GNA14: variants seen among roughly 807,000 people sequenced by gnomAD.
GNA14 encodes the protein guanine nucleotide-binding protein subunit alpha-14.
In GNA14, 50 loss-of-function variants were observed where a neutral mutation model predicts 42.0. The ratio of observed to expected loss-of-function variants is 1.19; its 90% CI spans 0.95 to 1.51. The LOEUF is 1.51. Among genes scored for constraint, GNA14 ranks in the 40% most tolerant of loss-of-function variants. GNA14 has a pLI of 0.00. For synonymous variants in GNA14, 173 were observed against 163.1 expected (o/e 1.06, Z -0.46); for missense variants, 473 against 446.2 (o/e 1.06, Z -0.54).
rs896316619 is a variant in GNA14, at chr9:77,529,133, G to A, written c.245C>T (p.Ala82Val). The change falls in exon 2 of 7, where the codon GCC becomes GTC. Residue 82 changes from alanine to valine, a missense_variant. By Grantham distance (64) the Ala-to-Val change is moderately conservative. Transcript: ENST00000341700. ...TKLVYQNIFT[A>V]MQAMIRAMDT... The stretch of plus-strand genomic sequence containing the variant: ...CATCGCTCTGATCATGGCTTGCATG[G>A]CGGTGAATATGTTTTGGTAAACCAG... 3 of 1,614,118 alleles carry A rather than the reference G, an allele frequency of 1.9e-6. No individual in the cohort carries two copies. Among genetic ancestry groups the A allele is most frequent in the Middle Eastern group, 3.3e-4 (2 of 6,062 alleles).
chr9:77,550,438 G>T, intron 1 of GNA14, among the ~76,000 whole-genome samples: 1 of 152,236 alleles, frequency 6.6e-6, no homozygotes, highest in South Asian at 2.1e-4. Context: ...TTAGCTAAAG[G>T]TGCTAAGATT....
Position 77,588,967 on chromosome 9 carries a change from A to G in GNA14, c.124+58703T>C, listed in dbSNP as rs1479138786. On this transcript the variant is annotated intron_variant, in intron 1 of 6. Transcript: ENST00000341700. ...CATGCTAGCCACATTTTTAAAAGCC[A>G]TGGGCCAGCACAGCTAAAAAGAACT... Among the ~76,000 whole-genome samples the G allele has an allele frequency of 3.3e-5, 5 of 152,352 alleles. No individual in the cohort carries two copies. The South Asian group carries it at 6.2e-4, about 19-fold the overall frequency.
rs113357106 is a variant in GNA14, at chr9:77,442,701, G to A, written c.310-8179C>T. ...CAATCTCAGATATCAAGTACCTCCAGACACCTGGCAGAAGAAAAGGAAACT... is the reference window on the plus strand; with the variant it reads ...CAATCTCAGATATCAAGTACCTCCAAACACCTGGCAGAAGAAAAGGAAACT... On this transcript the variant is annotated intron_variant, in intron 2 of 6. Coordinates refer to ENST00000341700, the MANE Select transcript of GNA14 (RefSeq NM_004297.4). Among the ~76,000 whole-genome samples, 693 of 152,338 alleles carry A rather than the reference G, an allele frequency of 4.5e-3. 4 individuals carry two copies. The highest frequency in any genetic ancestry group is 0.011 in the South Asian group (51 of 4,828).
chr9:77,431,359 G>T lies in GNA14; in HGVS notation c.555C>A (p.Ile185=), dbSNP rs1390741565. 6.2e-7 allele frequency: 1 copy of T among 1,613,522 alleles called. No individual in the cohort carries two copies. The highest frequency in any genetic ancestry group is 1.7e-5 in the Admixed American group (1 of 60,024). Residue 185 remains isoleucine, a synonymous_variant, in exon 4 of 7, where the codon ATC becomes ATA. Transcript: ENST00000341700. ...TTTCCAAGTCAAATGGATACTCAAT[G>T]ATGCCGGTGGTGGGCACTCGGACGC... ...VLRVRVPTTG[I]IEYPFDLENI... is the part of the protein sequence containing the mutation.
At chr9:77,630,597 C>G (rs1824082256) in intron 1 of GNA14, among the ~76,000 whole-genome samples, 1 of 152,056 alleles carries the variant, frequency 6.6e-6, no homozygotes, top group South Asian at 2.1e-4. Context: ...ATAAGTGAAG[C>G]AAACAGTAAA....
At position 77,504,771 on chromosome 9, in the gene GNA14, G is replaced by A. The variant is rs548439392; in HGVS notation, c.309+24298C>T. On this transcript the variant is annotated intron_variant, in intron 2 of 6. Transcript: ENST00000341700. ...CAACCTCTGCCTCCTGGGTTCAAGC[G>A]ATTCTCCTGCCTCAGCCTCCTGAGT... Among the ~76,000 whole-genome samples the A allele has an allele frequency of 1.3e-4, 19 of 149,648 alleles. No individual in the cohort carries two copies. In the South Asian group the frequency reaches 3.9e-3, roughly 30 times the overall value.
chr9:77,461,346 A>T (rs1431209258), intron 2 of GNA14, among the ~76,000 whole-genome samples: 1 of 152,240 alleles, frequency 6.6e-6, no homozygotes, highest in Non-Finnish European at 1.5e-5. Context: ...GTTCATTTGC[A>T]TTATTAACAT....
chr9:77,441,019 A>C (rs1171507937), intron 2 of GNA14, among the ~76,000 whole-genome samples: 2 of 151,956 alleles, frequency 1.3e-5, no homozygotes, highest in Non-Finnish European at 2.9e-5. Flanking sequence ...CCCAGCCTGC[A>C]ATTTTCAAAT....
At chr9:77,621,530 T>C (rs1382653612) in intron 1 of GNA14, among the ~76,000 whole-genome samples, 1 of 152,198 alleles carries the variant, frequency 6.6e-6, no homozygotes, top group Non-Finnish European at 1.5e-5. Flanking sequence ...TCCACTCTTA[T>C]CCTGGTTGGC....
intron 1 of GNA14, among the ~76,000 whole-genome samples, chr9:77,596,268 G>C (rs961472168): frequency 6.6e-6 from 1 of 152,062 alleles, no homozygotes; most frequent in Non-Finnish European, 1.5e-5. Flanking sequence ...TTTTCTGAGT[G>C]ACTGAAATTA....
intron 1 of GNA14, among the ~76,000 whole-genome samples, chr9:77,618,069 C>CTAAG (rs1356095685): frequency 1.3e-5 from 2 of 152,044 alleles, no homozygotes; most frequent in African/African-American, 4.8e-5. Flanking sequence ...TTGTTCTCTT[C>CTAAG]TAAGTACCTG....
In GNA14 at chr9:77,563,125, G is replaced by A. The variant is rs58470567; in HGVS notation, c.125-33872C>T. Among the ~76,000 whole-genome samples, 706 of 152,276 alleles carry A rather than the reference G, an allele frequency of 4.6e-3. 7 individuals are homozygous for A. Among genetic ancestry groups the A allele is most frequent in the African/African-American group, 0.016 (669 of 41,548 alleles). On this transcript the variant is annotated intron_variant, in intron 1 of 6. Coordinates refer to ENST00000341700, the MANE Select transcript of GNA14 (RefSeq NM_004297.4). ...TTAAAGGCTCAAAACCCCTCACCAT[G>A]CACTGCTGCACAGCAAATGTAAACC... is the stretch of plus-strand genomic sequence containing the variant.
chr9:77,465,720 C>G (rs1836211260), intron 2 of GNA14, among the ~76,000 whole-genome samples: 1 of 152,034 alleles, frequency 6.6e-6, no homozygotes, highest in Non-Finnish European at 1.5e-5. Flanking sequence ...ATCCTCCCAC[C>G]TCAGCCTCCC....
chr9:77,424,007 AG>A lies in GNA14; in HGVS notation c.1039del (p.Leu347Ter). 1 of 1,606,962 alleles carries A rather than the reference AG, an allele frequency of 6.2e-7. No homozygotes were observed. The highest frequency in any genetic ancestry group is 8.5e-7 in the Non-Finnish European group (1 of 1,175,932). On this transcript the variant is annotated frameshift_variant, in exon 7 of 7. Coordinates refer to ENST00000341700, the MANE Select transcript of GNA14 (RefSeq NM_004297.4). LOFTEE classifies it high-confidence loss of function. Reference sequence around the variant, plus strand: ...GACAAGGTTGAATTCCCTTAGGTTTAGCTGTAGAATTGTGTCTTTGACAGCA... The same window carrying A: ...GACAAGGTTGAATTCCCTTAGGTTTACTGTAGAATTGTGTCTTTGACAGCA... ...FAAVKDTILQ[L>X]NLREFNLV
chr9:77,541,137 G>A (rs1054768081), intron 1 of GNA14, among the ~76,000 whole-genome samples: 2 of 151,910 alleles, frequency 1.3e-5, no homozygotes, highest in African/African-American at 2.4e-5. Flanking sequence ...TTATATTCTC[G>A]TGTGTTTTCA....
At chr9:77,601,044 C>G (rs1292291878) in intron 1 of GNA14, among the ~76,000 whole-genome samples, 1 of 152,190 alleles carries the variant, frequency 6.6e-6, no homozygotes. Context: ...GAAGGTGGAG[C>G]TACGGGAAGT....
chr9:77,622,346 G>T (rs1005195632), intron 1 of GNA14, among the ~76,000 whole-genome samples: 4 of 152,108 alleles, frequency 2.6e-5, no homozygotes, highest in Admixed American at 6.5e-5. Flanking sequence ...AAGAAATATT[G>T]GTCGTGAGGC....
intron 2 of GNA14, among the ~76,000 whole-genome samples, chr9:77,446,451 G>A (rs766797123): frequency 3.3e-5 from 5 of 152,178 alleles, no homozygotes; most frequent in African/African-American, 4.8e-5. Context: ...CTGGGCTCGC[G>A]AGTCATGCTG....
At chr9:77,559,201 T>C (rs887503712) in intron 1 of GNA14, among the ~76,000 whole-genome samples, 1 of 152,166 alleles carries the variant, frequency 6.6e-6, no homozygotes, top group African/African-American at 2.4e-5. Context: ...TTCCCATCAA[T>C]TAACTGTTCA....
Sources: gnomAD v4.1 joint callset for allele counts (sites outside exome capture counted in the v4.1 genomes callset) on GRCh38, gnomAD v4.1.1 for gene constraint, MANE v1.5 for transcripts, NCBI Gene and HGNC (gene_info 2026-07-23, HGNC 2026-07-21) for gene names.